Variants in AMPH observed in about 807,000 individuals in gnomAD.
The protein encoded by AMPH is amphiphysin.
A neutral mutation model predicts 99.1 loss-of-function variants in AMPH; 49 were observed. The ratio of observed to expected loss-of-function variants is 0.49; its 90% CI spans 0.39 to 0.63. The LOEUF is 0.63. AMPH is among the 20% of genes least tolerant of loss of function. AMPH has a pLI of 0.00. For synonymous variants in AMPH, 314 were observed against 317.3 expected (o/e 0.99, Z 0.11); for missense variants, 759 against 863.4 (o/e 0.88, Z 1.52).
intron 1 of AMPH, among the ~76,000 whole-genome samples, chr7:38,626,285 C>G (rs959065553): frequency 2.6e-5 from 4 of 152,158 alleles, no homozygotes; most frequent in Admixed American, 6.5e-5. Flanking sequence ...TTAAGCCCCA[C>G]TTCAAACTAT....
intron 1 of AMPH, among the ~76,000 whole-genome samples, chr7:38,551,966 G>A (rs550130556): frequency 7.6e-4 from 115 of 152,278 alleles, no homozygotes; most frequent in African/African-American, 2.6e-3. Context: ...CCTCAGTGTT[G>A]AAGGCCAAAC....
At chr7:38,604,100 T>C (rs919666481) in intron 1 of AMPH, among the ~76,000 whole-genome samples, 3 of 152,184 alleles carry the variant, frequency 2.0e-5, no homozygotes, top group African/African-American at 7.2e-5. Flanking sequence ...ACAAGTGTGA[T>C]TGTGCCTGTC....
chr7:38,390,801 C>T (rs776196162), intron 19 of AMPH, among the ~76,000 whole-genome samples: 1 of 152,174 alleles, frequency 6.6e-6, no homozygotes, highest in Non-Finnish European at 1.5e-5. Context: ...TCTTGGACTG[C>T]TTGTGCTCCA....
chr7:38,392,540 C>A (rs112669302), intron 18 of AMPH: 3,009 of 153,356 alleles, frequency 0.02, 80 homozygotes, highest in African/African-American at 0.068. Flanking sequence ...ACACCTGCCA[C>A]CACGCCCAGC....
intron 1 of AMPH, among the ~76,000 whole-genome samples, chr7:38,613,981 T>C (rs534462598): frequency 3.8e-4 from 57 of 151,960 alleles, no homozygotes; most frequent in African/African-American, 1.3e-3. Flanking sequence ...GTCCACCCCA[T>C]AGTCTAAAGG....
chr7:38,464,121 G>C, intron 9 of AMPH: 1 of 1,289,758 alleles, frequency 7.8e-7, no homozygotes, highest in South Asian at 1.2e-5. Context: ...TTGAAAAAAA[G>C]TGAAAGGAAC....
At chr7:38,385,061 C>T (rs139562940) in intron 20 of AMPH, 136 bp from the exon 21 acceptor site, 5 of 696,424 alleles carry the variant, frequency 7.2e-6, no homozygotes, top group East Asian at 2.7e-5. Flanking sequence ...AGTGCTGTGC[C>T]GTGATCAATG....
At position 38,469,153 on chromosome 7, in the gene AMPH, CAAAAAAAAAAAAAAAAAAAAAA is replaced by C. The variant is rs869172352; in HGVS notation, c.591-2927_591-2906del. 1.7e-4 allele frequency among the ~76,000 whole-genome samples: 5 copies of C among 28,888 alleles called. 1 individual carries two copies. The highest frequency in any genetic ancestry group is 2.5e-3 in the South Asian group (1 of 402). The allele number at this position is 28,888 out of a possible 152,430, so 19.0% of individuals were successfully genotyped here. On this transcript the variant is annotated intron_variant, in intron 7 of 20. Transcript: ENST00000356264. Reference sequence around the variant, plus strand: ...TGGGCGACAGAGCGAGACTCCGCCTCAAAAAAAAAAAAAAAAAAAAAAAAAAAAAAAAAAAGAACATACAGAC... The same window carrying C: ...TGGGCGACAGAGCGAGACTCCGCCTCAAAAAAAAAAAAAGAACATACAGAC...
intron 2 of AMPH, among the ~76,000 whole-genome samples, chr7:38,514,128 T>C (rs989230721): frequency 6.6e-6 from 1 of 152,192 alleles, no homozygotes; most frequent in African/African-American, 2.4e-5. Context: ...ACTTAGTAAT[T>C]GTGCTCTATT....
At chr7:38,605,798 T>A (rs1793416091) in intron 1 of AMPH, among the ~76,000 whole-genome samples, 1 of 152,138 alleles carries the variant, frequency 6.6e-6, no homozygotes, top group Non-Finnish European at 1.5e-5. Flanking sequence ...GCCAGGCTAG[T>A]CTCAAACTTC....
chr7:38,548,411 G>A (rs1206343080), intron 1 of AMPH, among the ~76,000 whole-genome samples: 1 of 152,110 alleles, frequency 6.6e-6, no homozygotes, highest in East Asian at 1.9e-4. Flanking sequence ...TAAAATGGAA[G>A]CAAGTTTGCC....
At chr7:38,556,565 G>A (rs1791370827) in intron 1 of AMPH, among the ~76,000 whole-genome samples, 1 of 152,170 alleles carries the variant, frequency 6.6e-6, no homozygotes, top group Admixed American at 6.5e-5. Flanking sequence ...GATAACTGGG[G>A]GCGACTCAGG....
At chr7:38,616,111 A>G (rs1019781424) in intron 1 of AMPH, among the ~76,000 whole-genome samples, 2 of 150,838 alleles carry the variant, frequency 1.3e-5, no homozygotes, top group East Asian at 3.9e-4. Flanking sequence ...CCTTCCCCCA[A>G]TCATCTACAC....
intron 2 of AMPH, among the ~76,000 whole-genome samples, chr7:38,518,732 A>G (rs1282271413): frequency 1.3e-5 from 2 of 152,182 alleles, no homozygotes; most frequent in Non-Finnish European, 2.9e-5. Context: ...TCATCCACAT[A>G]TGATTTATAC....
At chr7:38,494,295 G>T in intron 4 of AMPH, 138 bp downstream of exon 4, 1 of 693,900 alleles carries the variant, frequency 1.4e-6, no homozygotes. Flanking sequence ...GAATCATCAG[G>T]CAGCAGAACT....
At chr7:38,615,322 C>A (rs769989636) in intron 1 of AMPH, among the ~76,000 whole-genome samples, 1 of 152,092 alleles carries the variant, frequency 6.6e-6, no homozygotes, top group Non-Finnish European at 1.5e-5. Flanking sequence ...GGGGAAACAC[C>A]CAATTCTTTA....
chr7:38,515,589 TC>T (rs1231289230), intron 2 of AMPH, among the ~76,000 whole-genome samples: 1 of 152,180 alleles, frequency 6.6e-6, no homozygotes, highest in African/African-American at 2.4e-5. Flanking sequence ...AGGTAGTTCT[TC>T]ATAGCAGTGA....
chr7:38,456,276 G>C (rs146482474), intron 11 of AMPH, among the ~76,000 whole-genome samples: 812 of 152,292 alleles, frequency 5.3e-3, no homozygotes, highest in Non-Finnish European at 8.8e-3. Context: ...CCCACCATGA[G>C]AGGCTTTGAC....
intron 17 of AMPH, among the ~76,000 whole-genome samples, chr7:38,403,879 T>C (rs1584044311): frequency 1.3e-5 from 2 of 152,182 alleles, no homozygotes; most frequent in African/African-American, 4.8e-5. Context: ...TTTCAGTGCA[T>C]TTCCAGATGG....
Sources: gnomAD v4.1 joint callset for allele counts (sites outside exome capture counted in the v4.1 genomes callset) on GRCh38, gnomAD v4.1.1 for gene constraint, MANE v1.5 for transcripts, NCBI Gene and HGNC (gene_info 2026-07-23, HGNC 2026-07-21) for gene names.